Variants in ERCC6 observed in about 807,000 individuals in gnomAD.
ERCC6 encodes the protein DNA excision repair protein ERCC-6.
ERCC6 carries 116 observed loss-of-function variants against 158.7 expected under a neutral mutation model. The ratio of observed to expected loss-of-function variants is 0.73; its 90% CI spans 0.63 to 0.85. The LOEUF is 0.85. Ranked by LOEUF, ERCC6 falls within the 40% of genes least tolerant of loss-of-function variation. The pLI is 0.00. For synonymous variants in ERCC6, 678 were observed against 659.3 expected (o/e 1.03, Z -0.43); for missense variants, 1,698 against 1,799.4 (o/e 0.94, Z 1.02).
At chr10:49,505,720 T>C (rs1006098889) in intron 6 of ERCC6, 164 bp downstream of exon 6, 2 of 727,958 alleles carry the variant, frequency 2.7e-6, no homozygotes, top group South Asian at 1.9e-5. Context: ...CCAATTTTAA[T>C]GAACAGCACG....
At chr10:49,509,367 G>C (rs540173425) in intron 5 of ERCC6, among the ~76,000 whole-genome samples, 1 of 152,140 alleles carries the variant, frequency 6.6e-6, no homozygotes, top group Non-Finnish European at 1.5e-5. Context: ...AGCAAGTTAC[G>C]TATGTGGCCC....
intron 5 of ERCC6, among the ~76,000 whole-genome samples, chr10:49,518,302 C>T (rs569803631): frequency 6.6e-5 from 10 of 152,312 alleles, no homozygotes; most frequent in African/African-American, 2.2e-4. Context: ...AATGCTTGTC[C>T]GAGTCTGCTG....
chr10:49,515,078 AAAG>A (rs1267384788), intron 5 of ERCC6: 2 of 673,326 alleles, frequency 3.0e-6, no homozygotes, highest in African/African-American at 3.8e-5. Context: ...TTGTTATTTA[AAAG>A]AAGGCAATGT....
rs786205174 is a variant in ERCC6 at position 49,461,431 on chromosome 10, G to A, written c.3904C>T (p.Gln1302Ter). 3 of 1,614,176 alleles carry A rather than the reference G, an allele frequency of 1.9e-6. No homozygotes were observed. Among genetic ancestry groups the A allele is most frequent in the Non-Finnish European group, 2.5e-6 (3 of 1,180,036 alleles). ...DALKALRLSR[Q>*]RCLGAVSGVP... ...CCAGACACTGCTCCCAGACACCGCT[G>A]ACGAGAGAGCCTCAGTGCTTTCAGG... is the stretch of plus-strand genomic sequence containing the variant. The change falls in exon 19 of 21, where the codon CAG (glutamine) becomes TAG (stop). Residue 1302 changes from glutamine (Q) to a stop codon, truncating the protein, a stop_gained. Coordinates refer to ENST00000355832, the MANE Select transcript of ERCC6 (RefSeq NM_000124.4). LOFTEE classifies it high-confidence loss of function.
At chr10:49,450,795 T>C (rs1029699279), downstream of ERCC6, among the ~76,000 whole-genome samples, 12 of 151,114 alleles carry the variant, frequency 7.9e-5, no homozygotes, top group Non-Finnish European at 1.5e-5. Context: ...TGATTATTCA[T>C]TGCAAGTGTG....
the ERCC6 span, among the ~76,000 whole-genome samples, chr10:49,448,827 G>A: frequency 6.6e-6 from 1 of 152,060 alleles, no homozygotes; most frequent in Non-Finnish European, 1.5e-5. Context: ...TGCTTTTTGG[G>A]GCTGAATAAT....
intron 5 of ERCC6, chr10:49,515,054 T>C: frequency 2.1e-6 from 1 of 481,144 alleles, no homozygotes; most frequent in African/African-American, 2.1e-5. Context: ...TTAGTCTTCA[T>C]TTGTGTCTCA....
intron 5 of ERCC6, among the ~76,000 whole-genome samples, chr10:49,514,953 G>A (rs1267993808): frequency 1.3e-5 from 2 of 152,190 alleles, no homozygotes; most frequent in East Asian, 3.8e-4. Context: ...CCTCAGTTAG[G>A]AGTGCAGATC....
intron 5 of ERCC6, among the ~76,000 whole-genome samples, chr10:49,508,766 G>C (rs1851486989): frequency 6.6e-6 from 1 of 152,116 alleles, no homozygotes; most frequent in Non-Finnish European, 1.5e-5. Flanking sequence ...CTGACCATCT[G>C]ATGAGGGTCC....
At chr10:49,528,932 CATAAG>C (rs1345805238) in intron 3 of ERCC6, among the ~76,000 whole-genome samples, 2 of 152,132 alleles carry the variant, frequency 1.3e-5, no homozygotes, top group African/African-American at 2.4e-5. Flanking sequence ...GTCAACAGGC[CATAAG>C]ATAAGAAATA....
At chr10:49,472,255 C>T (rs989906845) in intron 16 of ERCC6, 121 bp downstream of exon 16, 1 of 910,644 alleles carries the variant, frequency 1.1e-6, no homozygotes, top group Non-Finnish European at 1.8e-6. Flanking sequence ...AAAACCAAAG[C>T]CTTAAGTTAT....
chr10:49,501,033 GA>G (rs935594355), intron 6 of ERCC6: 9 of 252,246 alleles, frequency 3.6e-5, no homozygotes, highest in Non-Finnish European at 5.4e-5. Flanking sequence ...CTTTCTGGGG[GA>G]AAAAATCCCA....
rs1850797900 is a variant in ERCC6, at chr10:49,472,469, G to C, written c.2831C>G (p.Ala944Gly). ...GCCTATTCTCCATGCTCGCTCCCGG[G>C]CCTGCAACAGAGAGAGAGAGACCTC... Reference protein sequence around the residue: ...PDWNPSTDTQARERAWRIGQK... With the variant: ...PDWNPSTDTQGRERAWRIGQK... Residue 944 changes from alanine to glycine, a missense_variant and splice_region_variant, in exon 16 of 21, where the codon GCC becomes GGC. Coordinates refer to ENST00000355832, the MANE Select transcript of ERCC6 (RefSeq NM_000124.4). 1 of 1,613,736 alleles carries C rather than the reference G, an allele frequency of 6.2e-7. No individual in the cohort carries two copies. The highest frequency in any genetic ancestry group is 1.7e-5 in the Admixed American group (1 of 59,994).
the ERCC6 span, among the ~76,000 whole-genome samples, chr10:49,447,003 C>T: frequency 3.3e-5 from 5 of 152,164 alleles, no homozygotes; most frequent in African/African-American, 1.2e-4. Context: ...AATAAATCCA[C>T]ATATCTCTGA....
rs1003622364 is a variant in ERCC6, at chr10:49,456,034, T to C, written c.*2781A>G. 7 of 152,220 alleles carry C rather than the reference T, an allele frequency of 4.6e-5. No homozygotes were observed. The highest frequency in any genetic ancestry group is 1.9e-4 in the East Asian group (1 of 5,206). 9.4% of individuals were successfully genotyped at this position (152,220 alleles called of 1,614,324 possible). A position where few individuals can be genotyped will look rare whatever the true frequency, so the allele number is the denominator to read the frequency against. ...CTATACTTACAGGAATAGAAATGTC[T>C]TGCATATAATATTAAATGAAAAGTT... On this transcript the variant is annotated 3_prime_UTR_variant, in exon 21 of 21. Transcript: ENST00000355832.
chr10:49,522,238 A>G (rs1435908192), intron 5 of ERCC6, among the ~76,000 whole-genome samples: 1 of 152,246 alleles, frequency 6.6e-6, no homozygotes, highest in East Asian at 1.9e-4. Context: ...ATTAGTCTAC[A>G]AAGATCAGCA....
intron 10 of ERCC6, among the ~76,000 whole-genome samples, chr10:49,480,748 A>C (rs1451913529): frequency 6.6e-6 from 1 of 152,138 alleles, no homozygotes; most frequent in East Asian, 1.9e-4. Flanking sequence ...TCCTCCAGAT[A>C]CCATGCACTG....
chr10:49,449,060 T>TAGA, the ERCC6 span, among the ~76,000 whole-genome samples: 2 of 152,240 alleles, frequency 1.3e-5, no homozygotes, highest in South Asian at 4.1e-4. Context: ...TGCAACTGTT[T>TAGA]TCTAAAGTGG....
chr10:49,458,876 C>A lies in ERCC6; in HGVS notation c.4421G>T (p.Cys1474Phe). The change falls in exon 21 of 21, where the codon TGC becomes TTC. Residue 1474 changes from cysteine to phenylalanine, a missense_variant. Coordinates refer to ENST00000355832, the MANE Select transcript of ERCC6 (RefSeq NM_000124.4). ...CVFRELLRNL[C>F]TFHRTSGGEG... The stretch of plus-strand genomic sequence containing the variant: ...ACCACCAGAAGTTCTATGGAAAGTG[C>A]ACAGATTTCTCAATAGTTCTCGGAA... 4 of 1,614,170 alleles carry A rather than the reference C, an allele frequency of 2.5e-6. No individual in the cohort carries two copies. Among genetic ancestry groups the A allele is most frequent in the Non-Finnish European group, 3.4e-6 (4 of 1,180,026 alleles).
Sources: allele counts gnomAD v4.1 joint callset (sites outside exome capture counted in the v4.1 genomes callset), GRCh38; gene constraint gnomAD v4.1.1; transcripts MANE v1.5; gene names NCBI Gene and HGNC (gene_info 2026-07-23, HGNC 2026-07-21).